Variants in CAT observed in about 807,000 individuals in gnomAD.
The protein encoded by CAT is catalase, also known as epididymis secretory sperm binding protein.
Under a neutral mutation model 59.0 loss-of-function variants are expected in CAT, and 43 were observed. That is an observed-to-expected ratio of 0.73 (90% CI 0.57 to 0.94). The LOEUF (loss-of-function observed/expected upper bound fraction) is 0.94. Among genes scored for constraint, CAT ranks in the 40% least tolerant of loss-of-function variants. The pLI is 0.00. For missense variants in CAT, 664 were observed against 682.9 expected (o/e 0.97, Z 0.31); for synonymous variants, 218 against 230.9 (o/e 0.94, Z 0.51).
At chr11:34,439,144 A>G in intron 1 of CAT, 65 bp downstream of exon 1, 1 of 1,448,608 alleles carries the variant, frequency 6.9e-7, no homozygotes, top group Non-Finnish European at 9.5e-7. Context: ...TCGGCAAGTA[A>G]AGGCCCGGCT....
At chr11:34,444,506 G>A (rs912671401) in intron 1 of CAT, among the ~76,000 whole-genome samples, 37 of 152,132 alleles carry the variant, frequency 2.4e-4, no homozygotes, top group African/African-American at 8.9e-4. Context: ...CTGTACGTGG[G>A]TGTATACGTT....
chr11:34,446,639 C>T (rs372221023), intron 1 of CAT, among the ~76,000 whole-genome samples: 7 of 152,312 alleles, frequency 4.6e-5, no homozygotes, highest in South Asian at 2.1e-4. Flanking sequence ...TCCCTCCCCA[C>T]GTTAAGAATG....
At position 34,453,927 on chromosome 11, in the gene CAT, G is replaced by T. The variant is rs763779127; in HGVS notation, c.711+1G>T. ...AGTTTATTGCAAATTCCATTATAAG[G>T]TATGTGTTACCTTTGGGGCAGAGGG... On this transcript the variant is annotated splice_donor_variant, in intron 6 of 12. Transcript: ENST00000241052. LOFTEE classifies it high-confidence loss of function. 2 of 1,613,726 alleles carry T rather than the reference G, an allele frequency of 1.2e-6. No individual in the cohort carries two copies. The highest frequency in any genetic ancestry group is 1.7e-6 in the Non-Finnish European group (2 of 1,179,728).
In CAT at chr11:34,467,566, A is replaced by G. The variant is rs547674558; in HGVS notation, c.1327-722A>G. Among the ~76,000 whole-genome samples the G allele has an allele frequency of 3.3e-5, 5 of 152,352 alleles. No homozygotes were observed. The East Asian group carries it at 9.6e-4, about 29-fold the overall frequency. On this transcript the variant is annotated intron_variant, in intron 10 of 12. Transcript: ENST00000241052. The stretch of plus-strand genomic sequence containing the variant: ...ATTAATAGAACAGCACGTAGAACAG[A>G]GTCTCGCACATTATAGATACTCAAT...
At chr11:34,449,774 G>T (rs540096653) in intron 2 of CAT, among the ~76,000 whole-genome samples, 4 of 152,250 alleles carry the variant, frequency 2.6e-5, no homozygotes, top group African/African-American at 9.6e-5. Context: ...TCTAAATAGA[G>T]ACTCAAAATA....
At position 34,456,100 on chromosome 11, in the gene CAT, C is replaced by G. The variant is rs369068954; in HGVS notation, c.801C>G (p.Asn267Lys). 1 of 1,613,976 alleles carries G rather than the reference C, an allele frequency of 6.2e-7. No individual in the cohort carries two copies. The highest frequency in any genetic ancestry group is 1.7e-5 in the Admixed American group (1 of 60,004). Residue 267 changes from asparagine to lysine, a missense_variant, in exon 7 of 13, where the codon AAC becomes AAG. Coordinates refer to ENST00000241052, the MANE Select transcript of CAT (RefSeq NM_001752.4). The part of the protein sequence containing the change: ...DPDYGIRDLF[N>K]AIATGKYPSW... The stretch of plus-strand genomic sequence containing the variant: ...ACTATGGCATCCGGGATCTTTTTAA[C>G]GCCATTGCCACAGGAAAGTACCCCT...
At chr11:34,452,667 A>G (rs769019803) in intron 4 of CAT, among the ~76,000 whole-genome samples, 72 of 152,264 alleles carry the variant, frequency 4.7e-4, no homozygotes, top group Non-Finnish European at 9.0e-4. Flanking sequence ...CAGCCTGGGC[A>G]ACATGGCAAA....
intron 11 of CAT, 98 bp from the exon 12 acceptor site, chr11:34,470,860 C>A: frequency 1.0e-6 from 1 of 983,330 alleles, no homozygotes; most frequent in Non-Finnish European, 1.6e-6. Flanking sequence ...AAACGTCTTT[C>A]CTCCCCTATG....
rs772421057 is a variant in CAT, at chr11:34,449,280, T to C, written c.155T>C (p.Val52Ala). Reference sequence around the variant, plus strand: ...GTAGGGCCCCGTGGGCCCCTTCTTGTTCAGGATGTGGTTTTCACTGATGAA... The same window carrying C: ...GTAGGGCCCCGTGGGCCCCTTCTTGCTCAGGATGTGGTTTTCACTGATGAA... ...ITVGPRGPLL[V>A]QDVVFTDEMA... The change falls in exon 2 of 13, where the codon GTT becomes GCT. Residue 52 changes from valine to alanine, a missense_variant. Coordinates refer to ENST00000241052, the MANE Select transcript of CAT (RefSeq NM_001752.4). The C allele has an allele frequency of 5.0e-6, 8 of 1,613,918 alleles. No individual in the cohort carries two copies. In the East Asian group the frequency reaches 1.8e-4, roughly 36 times the overall value.
intron 1 of CAT, among the ~76,000 whole-genome samples, chr11:34,444,110 A>G (rs1218985581): frequency 1.3e-5 from 2 of 152,158 alleles, no homozygotes; most frequent in Non-Finnish European, 2.9e-5. Context: ...TCAGAAAGAA[A>G]TGTTTAGTAG....
At chr11:34,441,729 G>A (rs1371813593) in intron 1 of CAT, among the ~76,000 whole-genome samples, 1 of 152,320 alleles carries the variant, frequency 6.6e-6, no homozygotes, top group Non-Finnish European at 1.5e-5. Context: ...GGGGTGTGGA[G>A]GCTGCAGTGA....
chr11:34,457,246 T>A (rs1336023702), intron 8 of CAT, among the ~76,000 whole-genome samples: 1 of 136,334 alleles, frequency 7.3e-6, no homozygotes, highest in East Asian at 2.4e-4. Flanking sequence ...AGAGTCTTGC[T>A]CTGTCGCCCA....
chr11:34,453,250 T>C (rs1856550753), intron 5 of CAT, 56 bp downstream of exon 5: 9 of 1,001,242 alleles, frequency 9.0e-6, no homozygotes, highest in Non-Finnish European at 1.3e-5. Context: ...TGTTTAATTA[T>C]GCCTCTTCAT....
intron 9 of CAT, among the ~76,000 whole-genome samples, chr11:34,461,672 A>G (rs2420389): frequency 0.011 from 1,623 of 152,342 alleles, 24 homozygotes; most frequent in African/African-American, 0.037. Context: ...AAGATCTTTC[A>G]CACTGGCTAG....
rs549239410 is a variant in CAT at position 34,452,155 on chromosome 11, G to T, written c.428G>T (p.Trp143Leu). 6.7e-5 allele frequency: 108 copies of T among 1,613,612 alleles called. No individual in the cohort carries two copies. Among genetic ancestry groups the T allele is most frequent in the Middle Eastern group, 4.9e-4 (3 of 6,082 alleles). ...AVKFYTEDGN[W>L]DLVGNNTPIF... ...AAATTTTACACAGAAGATGGTAACT[G>T]GGATCTCGTTGGAAATAACACCCCC... The change falls in exon 4 of 13, where the codon TGG (tryptophan) becomes TTG (leucine). Residue 143 changes from tryptophan (W) to leucine (L), a missense_variant. Transcript: ENST00000241052.
At position 34,464,174 on chromosome 11, in the gene CAT, G is replaced by A. The variant is rs763932631; in HGVS notation, c.1265G>A (p.Ser422Asn). ...CAACAGCCTTCTGCCCTGGAGCACAGCATCCAATATTCTGGAGAAGTGCGG... is the reference window on the plus strand; with the variant it reads ...CAACAGCCTTCTGCCCTGGAGCACAACATCCAATATTCTGGAGAAGTGCGG... ...PEQQPSALEHSIQYSGEVRRF... is the reference protein window; with the variant it reads ...PEQQPSALEHNIQYSGEVRRF... Residue 422 changes from serine to asparagine, a missense_variant, in exon 10 of 13, where the codon AGC (serine) becomes AAC (asparagine). Ser to Asn is a conservative substitution (Grantham distance 46, BLOSUM62 1). Coordinates refer to ENST00000241052, the MANE Select transcript of CAT (RefSeq NM_001752.4). The A allele has an allele frequency of 2.5e-6, 4 of 1,613,640 alleles. No homozygotes were observed. Among genetic ancestry groups the A allele is most frequent in the Middle Eastern group, 1.6e-4 (1 of 6,062 alleles).
At chr11:34,454,233 C>T (rs1212504521) in intron 6 of CAT, among the ~76,000 whole-genome samples, 5 of 152,162 alleles carry the variant, frequency 3.3e-5, no homozygotes, top group African/African-American at 4.8e-5. Flanking sequence ...ATGAACAAGG[C>T]ATATAAGTAA....
chr11:34,466,497 G>T (rs1416717766), intron 10 of CAT, among the ~76,000 whole-genome samples: 1 of 152,300 alleles, frequency 6.6e-6, no homozygotes, highest in East Asian at 1.9e-4. Flanking sequence ...AAATAGATGG[G>T]CTGGGCGCGG....
intron 5 of CAT, among the ~76,000 whole-genome samples, chr11:34,453,411 T>C (rs185644460): frequency 7.9e-4 from 120 of 152,268 alleles, no homozygotes; most frequent in Middle Eastern, 6.8e-3. Flanking sequence ...GCTAGCAACA[T>C]TGTCAGTTGA....
Sources: allele counts gnomAD v4.1 joint callset (sites outside exome capture counted in the v4.1 genomes callset), GRCh38; gene constraint gnomAD v4.1.1; transcripts MANE v1.5; gene names NCBI Gene and HGNC (gene_info 2026-07-23, HGNC 2026-07-21).